ENPP6: variants seen among roughly 807,000 people sequenced by gnomAD.
The protein encoded by ENPP6 is glycerophosphocholine cholinephosphodiesterase ENPP6.
ENPP6 carries 32 observed loss-of-function variants against 42.0 expected under a neutral mutation model. The observed-to-expected ratio is 0.76, with a 90% CI of 0.58 to 1.02. The LOEUF is 1.02. Ranked by LOEUF, ENPP6 falls within the 50% of genes least tolerant of loss-of-function variation. ENPP6 has a pLI of 0.00. For missense variants in ENPP6, 552 were observed against 566.8 expected (o/e 0.97, Z 0.27); for synonymous variants, 213 against 216.0 (o/e 0.99, Z 0.12).
rs748666536 is a variant in ENPP6 at position 184,116,858 on chromosome 4, C to G, written c.853G>C (p.Glu285Gln). 54 of 1,613,294 alleles carry G rather than the reference C, an allele frequency of 3.3e-5. No individual in the cohort carries two copies. The highest frequency in any genetic ancestry group is 2.7e-5 in the Non-Finnish European group (32 of 1,179,966). ...CGCCCCCCACGGGTCTGTCTTGCCT[C>G]AGAGTGTTTCCCAGGGGCCGGCCAA... ...SLWPAPGKHS[E>Q]IYNKLSTVEH... The change falls in exon 5 of 8, where the codon GAG becomes CAG. Residue 285 changes from glutamate to glutamine, a missense_variant and splice_region_variant. Around this residue, in one of 2 missense-constraint regions of ENPP6, gnomAD observed 545 missense variants for 546.3 expected, o/e 1.00. Transcript: ENST00000296741.
chr4:184,202,986 G>A (rs1029261907), intron 1 of ENPP6, among the ~76,000 whole-genome samples: 22 of 152,152 alleles, frequency 1.4e-4, no homozygotes, highest in Non-Finnish European at 2.8e-4. Flanking sequence ...GCTCATGCCT[G>A]TAATCCCAGC....
rs529876552 is a variant in ENPP6, at chr4:184,206,776, C to A, written c.241+10803G>T. Among the ~76,000 whole-genome samples the A allele has an allele frequency of 2.0e-5, 3 of 152,288 alleles. No homozygotes were observed. In the East Asian group the frequency reaches 5.8e-4, roughly 29 times the overall value. On this transcript the variant is annotated intron_variant, in intron 1 of 7. Coordinates refer to ENST00000296741, the MANE Select transcript of ENPP6 (RefSeq NM_153343.4). Reference sequence around the variant, plus strand: ...ACAGGTGATTTCTAGGAGTGCGAGACAAAATGCCGTGGCACAAATAGTAAT... The same window carrying A: ...ACAGGTGATTTCTAGGAGTGCGAGAAAAAATGCCGTGGCACAAATAGTAAT...
At chr4:184,132,822 C>T (rs1397315120) in intron 2 of ENPP6, among the ~76,000 whole-genome samples, 1 of 120,752 alleles carries the variant, frequency 8.3e-6, no homozygotes, top group Non-Finnish European at 1.7e-5. Context: ...CATATATACA[C>T]ACACACACAC....
At chr4:184,108,253 A>G (rs905469835) in intron 6 of ENPP6, among the ~76,000 whole-genome samples, 25 of 152,202 alleles carry the variant, frequency 1.6e-4, no homozygotes, top group African/African-American at 6.0e-4. Flanking sequence ...TGCCAGCCGA[A>G]CTCAGACCCA....
At chr4:184,180,817 A>AC (rs1256728035) in intron 1 of ENPP6, among the ~76,000 whole-genome samples, 1 of 152,222 alleles carries the variant, frequency 6.6e-6, no homozygotes, top group Admixed American at 6.5e-5. Flanking sequence ...ACATTCCTTC[A>AC]TGTTAAAAAC....
Position 184,095,290 on chromosome 4 carries a change from C to T in ENPP6, c.1117+1955G>A, listed in dbSNP as rs79468770. ...ACAGAATCTCTTCACCAAATTTTAA[C>T]TTTAAGCTAATGCAGCTTTGGGGAC... On this transcript the variant is annotated intron_variant, in intron 7 of 7. Coordinates refer to ENST00000296741, the MANE Select transcript of ENPP6 (RefSeq NM_153343.4). Among the ~76,000 whole-genome samples, 638 of 152,240 alleles carry T rather than the reference C, an allele frequency of 4.2e-3. 6 individuals carry two copies. Among genetic ancestry groups the T allele is most frequent in the African/African-American group, 0.015 (615 of 41,530 alleles).
In ENPP6 at chr4:184,181,070, G is replaced by C. The variant is rs139664475; in HGVS notation, c.242-27337C>G. Among the ~76,000 whole-genome samples, 111 of 152,306 alleles carry C rather than the reference G, an allele frequency of 7.3e-4. 1 individual carries two copies. The highest frequency in any genetic ancestry group is 2.6e-3 in the African/African-American group (108 of 41,570). On this transcript the variant is annotated intron_variant, in intron 1 of 7. Coordinates refer to ENST00000296741, the MANE Select transcript of ENPP6 (RefSeq NM_153343.4). ...AAATAAGAAGAGAGGAAATCAATCT[G>C]TCTCTGCTTGCAGATGACATGATCC...
intron 1 of ENPP6, among the ~76,000 whole-genome samples, chr4:184,175,352 G>C (rs1737542861): frequency 6.6e-6 from 1 of 152,168 alleles, no homozygotes; most frequent in Non-Finnish European, 1.5e-5. Flanking sequence ...CTCTTAGAGG[G>C]ATGATTAGAC....
intron 2 of ENPP6, 79 bp downstream of exon 2, chr4:184,153,475 T>C: frequency 6.8e-7 from 1 of 1,466,996 alleles, no homozygotes; most frequent in Non-Finnish European, 9.1e-7. Context: ...GGCTTGGTCT[T>C]CAAACAGTAA....
chr4:184,142,332 T>C (rs879281696), intron 2 of ENPP6, among the ~76,000 whole-genome samples: 9 of 152,240 alleles, frequency 5.9e-5, no homozygotes, highest in Non-Finnish European at 1.0e-4. Context: ...GTTGAATGCA[T>C]GTCTCAAGAG....
chr4:184,163,404 G>A (rs1452596119), intron 1 of ENPP6, among the ~76,000 whole-genome samples: 1 of 152,174 alleles, frequency 6.6e-6, no homozygotes, highest in East Asian at 1.9e-4. Context: ...TAAAGGGAAC[G>A]AGGGTGACCT....
chr4:184,129,853 T>C (rs1254826219), intron 2 of ENPP6, among the ~76,000 whole-genome samples: 3 of 152,174 alleles, frequency 2.0e-5, no homozygotes, highest in Non-Finnish European at 1.5e-5. Context: ...TTAAAGCAGG[T>C]TTATGTCCAA....
At chr4:184,110,853 G>T (rs570861939) in intron 6 of ENPP6, among the ~76,000 whole-genome samples, 1 of 152,178 alleles carries the variant, frequency 6.6e-6, no homozygotes, top group Non-Finnish European at 1.5e-5. Context: ...GACCAAGAGC[G>T]TCTTAACGGA....
At chr4:184,147,297 G>C (rs1435005221) in intron 2 of ENPP6, among the ~76,000 whole-genome samples, 1 of 152,186 alleles carries the variant, frequency 6.6e-6, no homozygotes, top group Non-Finnish European at 1.5e-5. Flanking sequence ...TGCCCAGTCT[G>C]AGCGATGCTC....
chr4:184,109,997 G>A (rs1736172950), intron 6 of ENPP6, among the ~76,000 whole-genome samples: 1 of 152,124 alleles, frequency 6.6e-6, no homozygotes, highest in Non-Finnish European at 1.5e-5. Flanking sequence ...TGGGGGAGAT[G>A]GAAGGGAGAA....
At chr4:184,130,694 A>G (rs545209146) in intron 2 of ENPP6, among the ~76,000 whole-genome samples, 1 of 144,920 alleles carries the variant, frequency 6.9e-6, no homozygotes, top group African/African-American at 2.6e-5. Flanking sequence ...TACATTCTAT[A>G]TCATTTGCAG....
intron 5 of ENPP6, among the ~76,000 whole-genome samples, chr4:184,115,104 C>A (rs1384729249): frequency 6.6e-6 from 1 of 152,180 alleles, no homozygotes; most frequent in Non-Finnish European, 1.5e-5. Context: ...AAGGATTGGG[C>A]TAAAGAGGTG....
intron 1 of ENPP6, among the ~76,000 whole-genome samples, chr4:184,213,240 G>A (rs1189521362): frequency 2.3e-3 from 348 of 150,690 alleles, no homozygotes; most frequent in African/African-American, 8.2e-3. Flanking sequence ...TTGACAAATG[G>A]GATCTAATTA....
intron 1 of ENPP6, among the ~76,000 whole-genome samples, chr4:184,173,194 C>T (rs947723070): frequency 1.3e-5 from 2 of 152,148 alleles, no homozygotes; most frequent in African/African-American, 2.4e-5. Flanking sequence ...CATGGACCAC[C>T]GCGCCCGGCC....
Sources: allele counts gnomAD v4.1 joint callset (sites outside exome capture counted in the v4.1 genomes callset), GRCh38; gene constraint gnomAD v4.1.1; regional missense constraint gnomAD v4.1.1; transcripts MANE v1.5; gene names NCBI Gene and HGNC (gene_info 2026-07-23, HGNC 2026-07-21).